COL9A3: variants seen among roughly 807,000 people sequenced by gnomAD.
COL9A3 encodes the protein collagen alpha-3(IX) chain.
In COL9A3, 82 loss-of-function variants were observed where a neutral mutation model predicts 110.2. The observed-to-expected ratio is 0.74, with a 90% confidence interval of 0.62 to 0.89. COL9A3 has a LOEUF of 0.89. COL9A3 is among the 40% of genes least tolerant of loss of function. The probability of loss-of-function intolerance (pLI) is 0.00; values close to 1 mark genes in which losing one functional copy is unlikely to be tolerated. For missense variants in COL9A3, 1,066 were observed against 981.3 expected (o/e 1.09, Z -1.15); for synonymous variants, 494 against 403.8 (o/e 1.22, Z -2.68).
At chr20:62,817,694 C>T in intron 2 of COL9A3, 59 bp downstream of exon 2, 1 of 1,129,264 alleles carries the variant, frequency 8.9e-7, no homozygotes, top group Non-Finnish European at 1.3e-6. Flanking sequence ...TGGCCCCCAC[C>T]TCCCTGAGCT....
chr20:62,816,294 G>T (rs541869086), upstream of COL9A3: 1 of 152,412 alleles, frequency 6.6e-6, no homozygotes, highest in South Asian at 2.1e-4. Flanking sequence ...TCTGGGAAAT[G>T]GACATGGCCA....
At chr20:62,822,727 G>A (rs987092010) in intron 10 of COL9A3, 95 bp downstream of exon 10, 2 of 1,380,826 alleles carry the variant, frequency 1.4e-6, no homozygotes, top group Non-Finnish European at 2.0e-6. Flanking sequence ...ATACTGGCAA[G>A]AAGGCAGGGC....
chr20:62,817,148 C>T lies in COL9A3; in HGVS notation c.78+6C>T, dbSNP rs761417903. On this transcript the variant is annotated splice_donor_region_variant and intron_variant, in intron 1 of 31. Transcript: ENST00000649368. Reference sequence around the variant, plus strand: ...TGGCGGCCGCCGGGGCGCAGGTGAGCGCGAGCTCCGGGCTCTGAGGCTGGA... The same window carrying T: ...TGGCGGCCGCCGGGGCGCAGGTGAGTGCGAGCTCCGGGCTCTGAGGCTGGA... 145 of 1,391,010 alleles carry T rather than the reference C, an allele frequency of 1.0e-4. 1 individual carries two copies. The highest frequency in any genetic ancestry group is 4.7e-4 in the Admixed American group (18 of 38,396). The allele number at this position is 1,391,010 out of a possible 1,614,324, so 86.2% of individuals were successfully genotyped here. A position where few individuals can be genotyped will look rare whatever the true frequency, so the allele number is the denominator to read the frequency against.
At chr20:62,829,377 C>T in intron 19 of COL9A3, 78 bp from the exon 20 acceptor site, 2 of 1,579,546 alleles carry the variant, frequency 1.3e-6, no homozygotes, top group Non-Finnish European at 1.7e-6. Context: ...CTGCACCCTG[C>T]CTGCGTGCAC....
In COL9A3 at chr20:62,838,662, CTG is replaced by C; in HGVS notation, c.1787-18_1787-17del. On this transcript the variant is annotated intron_variant, in intron 30 of 31. Coordinates refer to ENST00000649368, the MANE Select transcript of COL9A3 (RefSeq NM_001853.4). ...TGCAACAGATACTCTAACCATATGTCTGTGTCCACACCTCGTGACAGGAAACC... is the reference window on the plus strand; with the variant it reads ...TGCAACAGATACTCTAACCATATGTCTGTCCACACCTCGTGACAGGAAACC... 3.9e-6 allele frequency: 6 copies of C among 1,549,224 alleles called. No individual in the cohort carries two copies. The highest frequency in any genetic ancestry group is 1.2e-5 in the South Asian group (1 of 84,016).
rs2063633605 is a variant in COL9A3 at position 62,836,187 on chromosome 20, T to C, written c.1402T>C (p.Ser468Pro). Residue 468 changes from serine (S) to proline (P), a missense_variant and splice_region_variant, in exon 28 of 32, where the codon TCT becomes CCT. Physicochemically the swap from Ser to Pro is moderately conservative, Grantham distance 74. Coordinates refer to ENST00000649368, the MANE Select transcript of COL9A3 (RefSeq NM_001853.4). ...PSGLVGPKGE[S>P]GSRGELGPKG... is the part of the protein sequence containing the mutation. ...CCCACCTTCCTCTGTTCCTCTGCAG[T>C]CTGGCAGTCGAGGGGAGCTGGGCCC... 4 of 1,613,164 alleles carry C rather than the reference T, an allele frequency of 2.5e-6. No homozygotes were observed. Among genetic ancestry groups the C allele is most frequent in the African/African-American group, 1.3e-5 (1 of 75,042 alleles).
chr20:62,824,919 G>T, intron 11 of COL9A3, 49 bp from the exon 12 acceptor site: 1 of 1,570,188 alleles, frequency 6.4e-7, no homozygotes, highest in South Asian at 1.2e-5. Context: ...TGCCAGGGAG[G>T]GGGTGTCGGG....
chr20:62,826,226 T>A lies in COL9A3; in HGVS notation c.707T>A (p.Leu236Gln). 6.4e-7 allele frequency: 1 copy of A among 1,562,168 alleles called. No homozygotes were observed. Among genetic ancestry groups the A allele is most frequent in the Non-Finnish European group, 8.7e-7 (1 of 1,153,944 alleles). Residue 236 changes from leucine to glutamine, a missense_variant, in exon 14 of 32, where the codon CTG becomes CAG. Transcript: ENST00000649368. ...GLQGPRGLRG[L>Q]PGPLGPPGDR... ...CAGGGCCCCCGGGGATTACGAGGAC[T>A]GCCAGGGCCACTCGGGCCCCCTGGG...
In COL9A3 at chr20:62,830,435, G is replaced by A. The variant is rs199990404; in HGVS notation, c.1215+22G>A. On this transcript the variant is annotated intron_variant, in intron 23 of 31. Coordinates refer to ENST00000649368, the MANE Select transcript of COL9A3 (RefSeq NM_001853.4). The stretch of plus-strand genomic sequence containing the variant: ...CCAGGTGGGTGAGGTTGGGGCAAGG[G>A]CCTGGCATGGGGGGCGGCACACCCA... 544 of 1,565,648 alleles carry A rather than the reference G, an allele frequency of 3.5e-4. 1 individual carries two copies. The African/African-American group carries it at 6.9e-3, about 20-fold the overall frequency.
chr20:62,822,509 G>A (rs562298267), intron 9 of COL9A3, 82 bp from the exon 10 acceptor site: 16 of 1,353,490 alleles, frequency 1.2e-5, no homozygotes, highest in East Asian at 3.0e-5. Context: ...GTTGTGGTCC[G>A]TCAGAGAGTG....
chr20:62,824,926 CG>C (rs2063538374), intron 11 of COL9A3, 41 bp from the exon 12 acceptor site: 5 of 1,545,350 alleles, frequency 3.2e-6, no homozygotes, highest in Non-Finnish European at 2.6e-6. Flanking sequence ...GAGGGGGTGT[CG>C]GGGGGTCTGG....
In COL9A3 at chr20:62,818,561, T is replaced by C; in HGVS notation, c.183+8T>C. On this transcript the variant is annotated splice_region_variant and intron_variant, in intron 3 of 31. Transcript: ENST00000649368. Reference sequence around the variant, plus strand: ...GGTCTGCCTGGGCCCCCGGTGAGTGTCCCTGGCTGGGGAGACAGCCTTTTT... The same window carrying C: ...GGTCTGCCTGGGCCCCCGGTGAGTGCCCCTGGCTGGGGAGACAGCCTTTTT... 1 of 1,612,588 alleles carries C rather than the reference T, an allele frequency of 6.2e-7. No individual in the cohort carries two copies. Among genetic ancestry groups the C allele is most frequent in the South Asian group, 1.1e-5 (1 of 91,072 alleles).
chr20:62,834,885 C>T (rs966186067), intron 26 of COL9A3, among the ~76,000 whole-genome samples: 2 of 152,024 alleles, frequency 1.3e-5, no homozygotes, highest in East Asian at 1.9e-4. Context: ...GTGATCCGCT[C>T]GCCTTGGCCT....
intron 30 of COL9A3, among the ~76,000 whole-genome samples, chr20:62,838,329 G>A (rs2063651169): frequency 1.3e-5 from 2 of 152,246 alleles, no homozygotes; most frequent in Admixed American, 1.3e-4. Context: ...TGCACAGCCT[G>A]TTACTGGGCT....
intron 6 of COL9A3, 46 bp downstream of exon 6, chr20:62,821,262 G>A: frequency 6.3e-7 from 1 of 1,594,840 alleles, no homozygotes; most frequent in Non-Finnish European, 8.6e-7. Flanking sequence ...AGTTTGGGGA[G>A]CTGGAGAGTC....
At position 62,825,039 on chromosome 20, in the gene COL9A3, C is replaced by T. The variant is rs780622978; in HGVS notation, c.630+18C>T. ...GCGAGAAGGTGAAGCTGCCGCACAG[C>T]AGCTGGGGAGGAGCTGGGGACTGGA... On this transcript the variant is annotated intron_variant, in intron 12 of 31. Coordinates refer to ENST00000649368, the MANE Select transcript of COL9A3 (RefSeq NM_001853.4). 1.2e-6 allele frequency: 2 copies of T among 1,603,062 alleles called. No individual in the cohort carries two copies. The highest frequency in any genetic ancestry group is 2.2e-5 in the South Asian group (2 of 89,950).
At chr20:62,828,098 G>A in intron 17 of COL9A3, 122 bp downstream of exon 17, 2 of 1,026,416 alleles carry the variant, frequency 1.9e-6, no homozygotes, top group South Asian at 1.3e-5. Flanking sequence ...TGAAATCTGG[G>A]TTAACGGTGG....
intron 22 of COL9A3, among the ~76,000 whole-genome samples, 181 bp downstream of exon 22, chr20:62,830,000 G>A (rs1048189524): frequency 2.6e-5 from 4 of 152,146 alleles, no homozygotes; most frequent in Non-Finnish European, 5.9e-5. Context: ...GGAGACGGTC[G>A]GGGCCAGGCC....
rs1379068933 is a variant in COL9A3, at chr20:62,821,749, C to T, written c.370-8C>T. ...CAGACCTCCCCACCTCTCTTTACTT[C>T]CCTCCAGGGAGAGGCAGGAGTGAGC... is the stretch of plus-strand genomic sequence containing the variant. On this transcript the variant is annotated splice_polypyrimidine_tract_variant and splice_region_variant and intron_variant, in intron 7 of 31. Transcript: ENST00000649368. 2.5e-6 allele frequency: 4 copies of T among 1,609,728 alleles called. No homozygotes were observed. Among genetic ancestry groups the T allele is most frequent in the Non-Finnish European group, 3.4e-6 (4 of 1,178,330 alleles).
Sources: gnomAD v4.1 joint callset for allele counts (sites outside exome capture counted in the v4.1 genomes callset) on GRCh38, gnomAD v4.1.1 for gene constraint, MANE v1.5 for transcripts, NCBI Gene and HGNC (gene_info 2026-07-23, HGNC 2026-07-21) for gene names.